Variants in NCOR1 observed in about 807,000 individuals in gnomAD.
NCOR1 encodes the protein nuclear receptor corepressor 1, also known as protein phosphatase 1, regulatory subunit 109.
Under a neutral mutation model 288.1 loss-of-function variants are expected in NCOR1, and 63 were observed. The observed-to-expected ratio is 0.22, with a 90% CI of 0.18 to 0.27. The LOEUF is 0.27. NCOR1 is among the 10% of genes least tolerant of loss of function. The probability of loss-of-function intolerance (pLI) is 1.00; values close to 1 mark genes in which losing one functional copy is unlikely to be tolerated. For synonymous variants in NCOR1, 1,007 were observed against 1,065.9 expected, an observed-to-expected ratio of 0.94 and a Z score of 1.08; for missense variants, 2,397 against 3,019.2, an observed-to-expected ratio of 0.79 and a Z score of 4.83.
intron 23 of NCOR1, among the ~76,000 whole-genome samples, chr17:16,081,518 G>A (rs1287242485): frequency 6.6e-6 from 1 of 152,052 alleles, no homozygotes; most frequent in African/African-American, 2.4e-5. Context: ...CTCAATCATA[G>A]TGCAAACCTA....
In NCOR1 at chr17:16,098,506, C is replaced by A. The variant is rs2152976123; in HGVS notation, c.2691-10G>T. On this transcript the variant is annotated splice_polypyrimidine_tract_variant and intron_variant, in intron 20 of 45. Coordinates refer to ENST00000268712, the MANE Select transcript of NCOR1 (RefSeq NM_006311.4). ...GTCCATAGGAAACATTCTGCAATTG[C>A]AATTTAAAAAAAAGATAAATGAATA... The A allele has an allele frequency of 6.3e-7, 1 of 1,589,810 alleles. No individual in the cohort carries two copies. Among genetic ancestry groups the A allele is most frequent in the East Asian group, 2.2e-5 (1 of 44,584 alleles).
intron 14 of NCOR1, among the ~76,000 whole-genome samples, chr17:16,133,588 TA>T (rs2075976538): frequency 6.6e-6 from 1 of 152,238 alleles, no homozygotes; most frequent in Non-Finnish European, 1.5e-5. Flanking sequence ...ATTCTGTTTT[TA>T]AAAAGAAGTA....
chr17:16,106,959 C>A (rs571464403), intron 19 of NCOR1, among the ~76,000 whole-genome samples: 2 of 129,146 alleles, frequency 1.5e-5, no homozygotes, highest in Non-Finnish European at 3.1e-5. Flanking sequence ...GTGGCGTGAT[C>A]TCAGCTCACT....
intron 11 of NCOR1, among the ~76,000 whole-genome samples, chr17:16,143,060 T>A (rs1434030816): frequency 1.3e-5 from 2 of 152,208 alleles, no homozygotes; most frequent in Non-Finnish European, 2.9e-5. Context: ...TGGGACTATA[T>A]CACCTGCAGA....
At chr17:16,108,121 A>G (rs972771724) in intron 19 of NCOR1, 1 of 164,568 alleles carries the variant, frequency 6.1e-6, no homozygotes, top group Non-Finnish European at 1.3e-5. Flanking sequence ...TGTTTAATTT[A>G]TAATATATGA....
In NCOR1 at chr17:16,101,529, C is replaced by T. The variant is rs773304769; in HGVS notation, c.2411G>A (p.Ser804Asn). 2.8e-5 allele frequency: 45 copies of T among 1,614,132 alleles called. No homozygotes were observed. Among genetic ancestry groups the T allele is most frequent in the Middle Eastern group, 1.6e-4 (1 of 6,084 alleles). ...ATCACAAACAGAACCCTCTTCAGCACTGTGCTCCTGCTGATCTACATCCAT... is the reference window on the plus strand; with the variant it reads ...ATCACAAACAGAACCCTCTTCAGCATTGTGCTCCTGCTGATCTACATCCAT... Reference protein sequence around the residue: ...EQMDVDQQEHSAEEGSVCDPP... With the variant: ...EQMDVDQQEHNAEEGSVCDPP... Residue 804 changes from serine (S) to asparagine (N), a missense_variant, in exon 20 of 46, where the codon AGT becomes AAT. Ser to Asn is a conservative substitution (Grantham distance 46). Transcript: ENST00000268712.
chr17:16,205,635 GAA>G (rs2091403998), intron 1 of NCOR1, among the ~76,000 whole-genome samples: 5 of 94,822 alleles, frequency 5.3e-5, no homozygotes, highest in South Asian at 3.1e-4. Context: ...GAAAAGAAAA[GAA>G]AAGAAGAAAA....
intron 37 of NCOR1, among the ~76,000 whole-genome samples, chr17:16,059,950 C>T (rs1251789545): frequency 2.6e-5 from 4 of 152,204 alleles, no homozygotes; most frequent in Non-Finnish European, 4.4e-5. Flanking sequence ...AAGAAGTTTA[C>T]AGTAATTTGT....
At chr17:16,102,454 G>A (rs1041910337) in intron 19 of NCOR1, among the ~76,000 whole-genome samples, 1 of 151,506 alleles carries the variant, frequency 6.6e-6, no homozygotes, top group African/African-American at 2.4e-5. Flanking sequence ...AGCTAATTTT[G>A]TAGAATTTAT....
At position 16,101,591 on chromosome 17, in the gene NCOR1, C is replaced by T. The variant is rs2067641641; in HGVS notation, c.2349G>A (p.Gln783=). ...TCTCAGCACTGATGCTGTCATTCAC[C>T]TGGGTCTCCACACTTTCATCTTCAG... ...KPAEDESVET[Q]VNDSISAETA... The change falls in exon 20 of 46, where the codon CAG becomes CAA. Residue 783 remains glutamine (Q), a synonymous_variant. Transcript: ENST00000268712. The T allele has an allele frequency of 6.2e-7, 1 of 1,614,174 alleles. No homozygotes were observed. Among genetic ancestry groups the T allele is most frequent in the Non-Finnish European group, 8.5e-7 (1 of 1,180,030 alleles).
rs1303894163 is a variant in NCOR1 at position 16,032,278 on chromosome 17, C to G, written c.*18G>C. The G allele has an allele frequency of 6.3e-7, 1 of 1,590,050 alleles. No individual in the cohort carries two copies. The highest frequency in any genetic ancestry group is 8.5e-7 in the Non-Finnish European group (1 of 1,171,724). Reference sequence around the variant, plus strand: ...AGAGATCCCTCTCCTGCACCCTGTTCCCCTCACTTTGTGCAGTTCAGTCAT... The same window carrying G: ...AGAGATCCCTCTCCTGCACCCTGTTGCCCTCACTTTGTGCAGTTCAGTCAT... On this transcript the variant is annotated 3_prime_UTR_variant, in exon 46 of 46. Transcript: ENST00000268712.
chr17:16,205,230 A>T (rs1445862149), intron 1 of NCOR1, among the ~76,000 whole-genome samples: 1 of 152,046 alleles, frequency 6.6e-6, no homozygotes, highest in African/African-American at 2.4e-5. Flanking sequence ...CACAAAAAAA[A>T]AAAAGAAAGA....
In NCOR1 at chr17:16,108,921, G is replaced by A. The variant is rs2153057136; in HGVS notation, c.2056-9C>T. The stretch of plus-strand genomic sequence containing the variant: ...CGAGGTTTTCGTGAAGTCTAAAGGA[G>A]GAAAGAGTATTATTTGATTTAAATA... On this transcript the variant is annotated splice_polypyrimidine_tract_variant and intron_variant, in intron 18 of 45. Transcript: ENST00000268712. The A allele has an allele frequency of 1.3e-6, 2 of 1,552,022 alleles. No individual in the cohort carries two copies. Among genetic ancestry groups the A allele is most frequent in the South Asian group, 1.2e-5 (1 of 80,346 alleles).
Position 16,092,669 on chromosome 17 carries a change from ATATATATATATATATATATATATATATTT to A in NCOR1, c.2821-640_2821-612del, listed in dbSNP as rs1193311239. ...CATTTATATATATATATATATATAT[ATATATATATATATATATATATATATATTT>A]TTTTTTTTTTTTTTTTTTAAGACAT... On this transcript the variant is annotated intron_variant, in intron 21 of 45. Coordinates refer to ENST00000268712, the MANE Select transcript of NCOR1 (RefSeq NM_006311.4). 2.8e-3 allele frequency among the ~76,000 whole-genome samples: 38 copies of A among 13,464 alleles called. 2 individuals are homozygous for A. Among genetic ancestry groups the A allele is most frequent in the Admixed American group, 4.8e-3 (6 of 1,256 alleles). 8.8% of individuals were successfully genotyped at this position (13,464 alleles called of 152,430 possible).
chr17:16,176,683 C>T (rs573471035), intron 3 of NCOR1, among the ~76,000 whole-genome samples: 2 of 152,150 alleles, frequency 1.3e-5, no homozygotes, highest in East Asian at 3.9e-4. Context: ...ATTTCTTTTA[C>T]TCAGAACTTT....
At chr17:16,132,827 C>T (rs988668522) in intron 14 of NCOR1, among the ~76,000 whole-genome samples, 8 of 139,774 alleles carry the variant, frequency 5.7e-5, no homozygotes, top group Admixed American at 2.2e-4. Context: ...TGGAGTCTTG[C>T]TCTGGGATTC....
At chr17:16,195,763 A>C (rs1300804773) in intron 1 of NCOR1, among the ~76,000 whole-genome samples, 2 of 152,200 alleles carry the variant, frequency 1.3e-5, no homozygotes, top group African/African-American at 4.8e-5. Flanking sequence ...CTGGATGAGA[A>C]CACATAAATA....
Position 16,062,097 on chromosome 17 carries a change from A to G in NCOR1, c.5387+8T>C. On this transcript the variant is annotated splice_region_variant and intron_variant, in intron 36 of 45. Transcript: ENST00000268712. Reference sequence around the variant, plus strand: ...CATTTTTTGTCAAAATATGTACAAGAGACTGACATGATTCGTAGCTGAGCA... The same window carrying G: ...CATTTTTTGTCAAAATATGTACAAGGGACTGACATGATTCGTAGCTGAGCA... 1 of 1,610,040 alleles carries G rather than the reference A, an allele frequency of 6.2e-7. No homozygotes were observed. The highest frequency in any genetic ancestry group is 8.5e-7 in the Non-Finnish European group (1 of 1,179,114).
At chr17:16,147,357 C>T (rs370504045) in intron 9 of NCOR1, among the ~76,000 whole-genome samples, 5 of 151,916 alleles carry the variant, frequency 3.3e-5, no homozygotes, top group South Asian at 2.1e-4. Context: ...TGCAGTGAGC[C>T]GAGATCGCAC....
Sources: allele counts gnomAD v4.1 joint callset (sites outside exome capture counted in the v4.1 genomes callset), GRCh38; gene constraint gnomAD v4.1.1; transcripts MANE v1.5; gene names NCBI Gene and HGNC (gene_info 2026-07-23, HGNC 2026-07-21).